Variants in CNOT10 observed in about 807,000 individuals in gnomAD.
CNOT10 encodes CCR4-NOT transcription complex, subunit 10.
CNOT10 carries 30 observed loss-of-function variants against 94.6 expected under a neutral mutation model. The ratio of observed to expected loss-of-function variants is 0.32; its 90% confidence interval spans 0.24 to 0.43. CNOT10 has a LOEUF of 0.43. Among genes scored for constraint, CNOT10 ranks in the 20% least tolerant of loss-of-function variants. The pLI, the probability that CNOT10 is intolerant of heterozygous loss-of-function variation, is 1.00. For synonymous variants in CNOT10, 289 were observed against 301.6 expected (o/e 0.96, Z 0.43); for missense variants, 759 against 877.2 (o/e 0.87, Z 1.70).
intron 10 of CNOT10, among the ~76,000 whole-genome samples, chr3:32,732,773 A>G (rs1163545132): frequency 6.6e-6 from 1 of 152,144 alleles, no homozygotes; most frequent in Non-Finnish European, 1.5e-5. Context: ...GGGGATCATT[A>G]ATCAAATTAT....
chr3:32,758,228 G>GAACC (rs2125628804), intron 13 of CNOT10, among the ~76,000 whole-genome samples: 1 of 152,270 alleles, frequency 6.6e-6, no homozygotes, highest in South Asian at 2.1e-4. Flanking sequence ...AACCACACTA[G>GAACC]ACAGTCTTTC....
chr3:32,771,995 T>C (rs1700928697), intron 18 of CNOT10, among the ~76,000 whole-genome samples: 2 of 152,198 alleles, frequency 1.3e-5, no homozygotes, highest in Non-Finnish European at 1.5e-5. Context: ...GAAGAAAGGC[T>C]GTTGGCTCTA....
chr3:32,718,138 C>G (rs978956439), intron 7 of CNOT10, among the ~76,000 whole-genome samples: 1 of 151,822 alleles, frequency 6.6e-6, no homozygotes, highest in African/African-American at 2.4e-5. Context: ...TTAAAAATCT[C>G]AGGCAGGATC....
intron 9 of CNOT10, among the ~76,000 whole-genome samples, chr3:32,726,339 TATC>T (rs756472678): frequency 6.6e-6 from 1 of 152,160 alleles, no homozygotes; most frequent in Non-Finnish European, 1.5e-5. Flanking sequence ...TAATATTCAT[TATC>T]ATATGGATCC....
chr3:32,734,697 G>T (rs1448795093), intron 11 of CNOT10, 103 bp from the exon 12 acceptor site: 12 of 954,808 alleles, frequency 1.3e-5, no homozygotes, highest in Non-Finnish European at 1.7e-5. Context: ...CTATCAAAAG[G>T]CATAGCTTTC....
intron 17 of CNOT10, chr3:32,769,116 A>G (rs1295211953): frequency 6.6e-6 from 1 of 152,180 alleles, no homozygotes; most frequent in Non-Finnish European, 1.5e-5. Context: ...CCTCTGTTCA[A>G]TAAGTATTTG....
rs770986162 is a variant in CNOT10, at chr3:32,769,873, T to G, written c.2005-14T>G. On this transcript the variant is annotated splice_polypyrimidine_tract_variant and intron_variant, in intron 17 of 18. Coordinates refer to ENST00000328834, the MANE Select transcript of CNOT10 (RefSeq NM_015442.3). ...TTTTGTTTTTTCACGGGCATCTTTC[T>G]GTTTTGAGCAAAGGCGGCTTCAATG... The G allele has an allele frequency of 6.2e-7, 1 of 1,611,472 alleles. No homozygotes were observed. The highest frequency in any genetic ancestry group is 8.5e-7 in the Non-Finnish European group (1 of 1,177,700).
At chr3:32,712,153 GTGTT>G (rs1174199421) in intron 4 of CNOT10, among the ~76,000 whole-genome samples, 7 of 135,874 alleles carry the variant, frequency 5.2e-5, no homozygotes, top group South Asian at 5.2e-4. Context: ...CTGTAATCAG[GTGTT>G]TGTTTGTTTT....
At chr3:32,731,896 G>T (rs1698975236) in intron 10 of CNOT10, among the ~76,000 whole-genome samples, 3 of 151,790 alleles carry the variant, frequency 2.0e-5, no homozygotes, top group Admixed American at 6.6e-5. Flanking sequence ...GGCTAACATG[G>T]TGAAACTCCA....
chr3:32,757,508 C>T lies in CNOT10; in HGVS notation c.1596-1950C>T, dbSNP rs115645501. Among the ~76,000 whole-genome samples the T allele has an allele frequency of 5.4e-3, 820 of 152,204 alleles. 5 individuals are homozygous for T. Among genetic ancestry groups the T allele is most frequent in the South Asian group, 0.012 (57 of 4,828 alleles). ...ATGGTCTTCTTGAGCCTCCGGAGAC[C>T]GGACCTTTAATAGTCTTTTTTTGTT... On this transcript the variant is annotated intron_variant, in intron 13 of 18. Transcript: ENST00000328834.
At chr3:32,697,332 T>C (rs1697121964) in intron 1 of CNOT10, among the ~76,000 whole-genome samples, 1 of 152,184 alleles carries the variant, frequency 6.6e-6, no homozygotes, top group South Asian at 2.1e-4. Flanking sequence ...AGCTCAAAAT[T>C]TTCAACACCT....
rs1553637888 is a variant in CNOT10 at position 32,754,489 on chromosome 3, A to AATATAT, written c.1596-4966_1596-4965insTATATA. On this transcript the variant is annotated intron_variant, in intron 13 of 18. Coordinates refer to ENST00000328834, the MANE Select transcript of CNOT10 (RefSeq NM_015442.3). ...AAGACTCCGTCTCAAAAAAAAAAAA[A>AATATAT]ATACATATATATATATATATTTATT... 1.2e-3 allele frequency among the ~76,000 whole-genome samples: 83 copies of AATATAT among 70,184 alleles called. 3 individuals carry two copies. Among genetic ancestry groups the AATATAT allele is most frequent in the African/African-American group, 2.7e-3 (35 of 13,046 alleles). 46.0% of individuals were successfully genotyped at this position (70,184 alleles called of 152,430 possible).
chr3:32,748,926 A>G (rs563649941), intron 13 of CNOT10, among the ~76,000 whole-genome samples: 9 of 151,780 alleles, frequency 5.9e-5, no homozygotes, highest in Admixed American at 3.3e-4. Context: ...GGTTCAAGCA[A>G]TTCTCCTGTC....
rs1700816301 is a variant in CNOT10, at chr3:32,769,798, G to A, written c.2005-89G>A. The A allele has an allele frequency of 2.9e-6, 3 of 1,020,876 alleles. No homozygotes were observed. The Admixed American group carries it at 5.1e-5, about 18-fold the overall frequency. The allele number at this position is 1,020,876 out of a possible 1,614,324, so 63.2% of individuals were successfully genotyped here. A position where few individuals can be genotyped will look rare whatever the true frequency, so the allele number is the denominator to read the frequency against. Reference sequence around the variant, plus strand: ...GTCACGTGGGAATGAGCTTGAATAAGTTTGTTACCTTGTTGGTTGGCAGAT... The same window carrying A: ...GTCACGTGGGAATGAGCTTGAATAAATTTGTTACCTTGTTGGTTGGCAGAT... On this transcript the variant is annotated intron_variant, in intron 17 of 18. Coordinates refer to ENST00000328834, the MANE Select transcript of CNOT10 (RefSeq NM_015442.3).
At chr3:32,724,602 C>T (rs1698583691) in intron 8 of CNOT10, among the ~76,000 whole-genome samples, 1 of 152,032 alleles carries the variant, frequency 6.6e-6, no homozygotes, top group African/African-American at 2.4e-5. Context: ...TTAGTAGAGA[C>T]GGGGTTTCAC....
Position 32,743,206 on chromosome 3 carries a change from C to T in CNOT10, c.1595+5716C>T, listed in dbSNP as rs575239657. ...TTCACCATGTTGGTCAGGCTAGTCTCGAACTCCTGACCGCAGGTGATCCAT... is the reference window on the plus strand; with the variant it reads ...TTCACCATGTTGGTCAGGCTAGTCTTGAACTCCTGACCGCAGGTGATCCAT... On this transcript the variant is annotated intron_variant, in intron 13 of 18. Coordinates refer to ENST00000328834, the MANE Select transcript of CNOT10 (RefSeq NM_015442.3). 6.2e-4 allele frequency among the ~76,000 whole-genome samples: 95 copies of T among 152,068 alleles called. 1 individual carries two copies. The highest frequency in any genetic ancestry group is 6.8e-3 in the Middle Eastern group (2 of 294).
intron 13 of CNOT10, among the ~76,000 whole-genome samples, chr3:32,757,132 T>A (rs1476688027): frequency 1.4e-5 from 2 of 143,150 alleles, no homozygotes; most frequent in Non-Finnish European, 3.1e-5. Context: ...AAAAAGATAC[T>A]AAATTTTGTA....
At chr3:32,695,794 G>A in intron 1 of CNOT10, 1 of 1,535,884 alleles carries the variant, frequency 6.5e-7, no homozygotes, top group Non-Finnish European at 8.7e-7. Context: ...GGCAAATAAA[G>A]AAATGCTGTG....
intron 1 of CNOT10, 53 bp downstream of exon 1, chr3:32,685,535 G>A: frequency 6.5e-7 from 1 of 1,545,190 alleles, no homozygotes; most frequent in Non-Finnish European, 8.7e-7. Flanking sequence ...GGGGCCGGGC[G>A]GACCCTGAAC....
Sources: gnomAD v4.1 joint callset for allele counts (sites outside exome capture counted in the v4.1 genomes callset) on GRCh38, gnomAD v4.1.1 for gene constraint, MANE v1.5 for transcripts, NCBI Gene and HGNC (gene_info 2026-07-23, HGNC 2026-07-21) for gene names.